The following GLP2R variants were observed in gnomAD, a reference collection of about 807,000 sequenced individuals.
GLP2R encodes the protein glucagon like peptide 2 receptor, also known as glucagon-like peptide 2 receptor.
Under a neutral mutation model 68.2 loss-of-function variants are expected in GLP2R, and 59 were observed. The ratio of observed to expected loss-of-function variants is 0.87; its 90% CI spans 0.70 to 1.07. The LOEUF is 1.07. GLP2R is among the 50% of genes least tolerant of loss of function. The pLI, the probability that GLP2R is intolerant of heterozygous loss-of-function variation, is 0.00. For missense variants in GLP2R, 548 were observed against 677.4 expected, an observed-to-expected ratio of 0.81 and a Z score of 2.12; for synonymous variants, 270 against 265.4, an observed-to-expected ratio of 1.02 and a Z score of -0.17.
At chr17:9,873,221 G>A (rs933009854) in intron 10 of GLP2R, among the ~76,000 whole-genome samples, 7 of 152,218 alleles carry the variant, frequency 4.6e-5, no homozygotes, top group Admixed American at 2.0e-4. Flanking sequence ...GTGGACAGAG[G>A]CTAGTGTTTC....
intron 10 of GLP2R, among the ~76,000 whole-genome samples, chr17:9,878,299 CTT>C (rs564027511): frequency 8.3e-4 from 127 of 152,296 alleles, no homozygotes; most frequent in Middle Eastern, 6.8e-3. Flanking sequence ...AACCTGGACA[CTT>C]TTTCTAGAAA....
At position 9,842,553 on chromosome 17, in the gene GLP2R, G is replaced by C. The variant is rs547444198; in HGVS notation, c.441G>C (p.Glu147Asp). The C allele has an allele frequency of 1.2e-6, 2 of 1,614,114 alleles. No individual in the cohort carries two copies. The highest frequency in any genetic ancestry group is 2.7e-5 in the African/African-American group (2 of 75,054). ...CTCAGGGGACTTGGCAGACGATAGA[G>C]AACGCCACGGATATTTGGCAGGATG... ...CLAQGTWQTI[E>D]NATDIWQDDS... The change falls in exon 4 of 13, where the codon GAG (glutamate) becomes GAC (aspartate). Residue 147 changes from glutamate to aspartate, a missense_variant. By Grantham distance (45) the Glu-to-Asp change is conservative (BLOSUM62 2). Transcript: ENST00000262441.
intron 4 of GLP2R, chr17:9,853,143 C>A: frequency 4.2e-6 from 2 of 480,186 alleles, no homozygotes; most frequent in South Asian, 4.1e-5. Flanking sequence ...AATGTGCAAT[C>A]ATGCTTTGCA....
Position 9,870,634 on chromosome 17 carries a change from C to T in GLP2R, c.1057-113C>T, listed in dbSNP as rs1327308368. The T allele has an allele frequency of 5.7e-6, 4 of 700,298 alleles. No homozygotes were observed. In the East Asian group the frequency reaches 1.0e-4, roughly 18 times the overall value. 43.4% of individuals were successfully genotyped at this position (700,298 alleles called of 1,614,324 possible). A position where few individuals can be genotyped will look rare whatever the true frequency, so the allele number is the denominator to read the frequency against. ...ACCTGGCCAGCTAACTGCTGAATTG[C>T]CCCTGGTTTACATTGAACTGATGGA... On this transcript the variant is annotated intron_variant, in intron 9 of 12. Transcript: ENST00000262441.
intron 1 of GLP2R, among the ~76,000 whole-genome samples, chr17:9,832,514 A>G (rs749529118): frequency 1.2e-4 from 18 of 152,192 alleles, no homozygotes; most frequent in Non-Finnish European, 2.2e-4. Context: ...GTGAGCTGAG[A>G]TAACGCCACT....
At position 9,889,813 on chromosome 17, in the gene GLP2R, A is replaced by T; in HGVS notation, c.*108A>T. 1 of 683,030 alleles carries T rather than the reference A, an allele frequency of 1.5e-6. No homozygotes were observed. Among genetic ancestry groups the T allele is most frequent in the South Asian group, 1.9e-5 (1 of 52,982 alleles). The allele number at this position is 683,030 out of a possible 1,614,324, so 42.3% of individuals were successfully genotyped here. A position where few individuals can be genotyped will look rare whatever the true frequency, so the allele number is the denominator to read the frequency against. ...CTGGGCACGGAATCATTCTCGTTCCATTCACCATGCCACTTTGATATGAAA... is the reference window on the plus strand; with the variant it reads ...CTGGGCACGGAATCATTCTCGTTCCTTTCACCATGCCACTTTGATATGAAA... On this transcript the variant is annotated 3_prime_UTR_variant, in exon 13 of 13. Coordinates refer to ENST00000262441, the MANE Select transcript of GLP2R (RefSeq NM_004246.3).
chr17:9,839,096 A>G (rs1465584386), intron 3 of GLP2R, among the ~76,000 whole-genome samples: 4 of 152,208 alleles, frequency 2.6e-5, no homozygotes, highest in Non-Finnish European at 5.9e-5. Flanking sequence ...GATTATGTGG[A>G]GTCCCAGAAG....
rs200010510 is a variant in GLP2R, at chr17:9,854,506, T to G, written c.516T>G (p.Tyr172Ter). 6.2e-7 allele frequency: 1 copy of G among 1,603,968 alleles called. No individual in the cohort carries two copies. Among genetic ancestry groups the G allele is most frequent in the Non-Finnish European group, 8.5e-7 (1 of 1,170,612 alleles). ...TCCTCTGTGTTCAGGTGGATCGTTATGCCTTGCTGTCAACCTTGCAGCTGA... is the reference window on the plus strand; with the variant it reads ...TCCTCTGTGTTCAGGTGGATCGTTAGGCCTTGCTGTCAACCTTGCAGCTGA... ...NHSFKQNVDR[Y>*]ALLSTLQLMY... The change falls in exon 5 of 13, where the codon TAT becomes TAG. Residue 172 changes from tyrosine (Y) to a stop codon, truncating the protein, a stop_gained. Transcript: ENST00000262441. LOFTEE classifies it high-confidence loss of function.
At chr17:9,852,212 C>G (rs928114095) in intron 4 of GLP2R, among the ~76,000 whole-genome samples, 2 of 152,126 alleles carry the variant, frequency 1.3e-5, no homozygotes, top group Non-Finnish European at 2.9e-5. Flanking sequence ...GTAATGCTCT[C>G]TCTCCCCTTG....
chr17:9,834,316 C>T (rs957111504), intron 2 of GLP2R, among the ~76,000 whole-genome samples: 9 of 152,070 alleles, frequency 5.9e-5, no homozygotes, highest in South Asian at 2.1e-4. Flanking sequence ...TGGATGTGGC[C>T]GTCTTTGATA....
intron 4 of GLP2R, among the ~76,000 whole-genome samples, chr17:9,848,170 C>T (rs560085744): frequency 3.9e-5 from 6 of 152,292 alleles, no homozygotes; most frequent in East Asian, 1.9e-4. Context: ...GGATTAGATC[C>T]GGTTTATCTC....
At chr17:9,849,336 G>A (rs901707559) in intron 4 of GLP2R, among the ~76,000 whole-genome samples, 5 of 151,628 alleles carry the variant, frequency 3.3e-5, no homozygotes, top group Non-Finnish European at 5.9e-5. Flanking sequence ...TAAATTCATC[G>A]GGTACCTCCT....
At chr17:9,838,751 C>T (rs565951936) in intron 3 of GLP2R, among the ~76,000 whole-genome samples, 23 of 151,954 alleles carry the variant, frequency 1.5e-4, no homozygotes, top group African/African-American at 5.3e-4. Context: ...CAAATGGATC[C>T]CTGCAGTGAA....
In GLP2R at chr17:9,856,574, T is replaced by C. The variant is rs547846509; in HGVS notation, c.612-849T>C. Among the ~76,000 whole-genome samples the C allele has an allele frequency of 7.9e-5, 12 of 152,310 alleles. No individual in the cohort carries two copies. In the South Asian group the frequency reaches 1.2e-3, roughly 16 times the overall value. ...CCCCAGGTGCATAAGGAAGAGGTGATGAGAGCTAACATTTTTCTGGACACT... is the reference window on the plus strand; with the variant it reads ...CCCCAGGTGCATAAGGAAGAGGTGACGAGAGCTAACATTTTTCTGGACACT... On this transcript the variant is annotated intron_variant, in intron 5 of 12. Coordinates refer to ENST00000262441, the MANE Select transcript of GLP2R (RefSeq NM_004246.3).
intron 11 of GLP2R, among the ~76,000 whole-genome samples, chr17:9,885,617 G>A (rs1033085542): frequency 5.9e-5 from 9 of 151,822 alleles, no homozygotes; most frequent in Non-Finnish European, 8.8e-5. Flanking sequence ...ACAGCATGGC[G>A]GCTGGACTCT....
chr17:9,876,359 G>T lies in GLP2R; in HGVS notation c.1146-4019G>T, dbSNP rs73257193. Among the ~76,000 whole-genome samples, 11 of 152,178 alleles carry T rather than the reference G, an allele frequency of 7.2e-5. No individual in the cohort carries two copies. In the East Asian group the frequency reaches 1.5e-3, roughly 21 times the overall value. On this transcript the variant is annotated intron_variant, in intron 10 of 12. Transcript: ENST00000262441. ...GTTTATTTCATAAGTCTTATATGAC[G>T]TAGGAGACTTCATAAGGAAAGGAAG...
At chr17:9,860,432 A>G (rs2066977548) in intron 7 of GLP2R, among the ~76,000 whole-genome samples, 1 of 152,192 alleles carries the variant, frequency 6.6e-6, no homozygotes, top group South Asian at 2.1e-4. Flanking sequence ...AATAACAGAC[A>G]TTGATTTCCT....
intron 9 of GLP2R, among the ~76,000 whole-genome samples, chr17:9,862,329 C>A (rs1597392836): frequency 6.6e-6 from 1 of 152,180 alleles, no homozygotes; most frequent in Non-Finnish European, 1.5e-5. Flanking sequence ...AAGAGACCTG[C>A]AGTCAGCTCT....
At position 9,889,402 on chromosome 17, in the gene GLP2R, C is replaced by A; in HGVS notation, c.1359C>A (p.Arg453=). Residue 453 remains arginine, a synonymous_variant, in exon 13 of 13, where the codon CGC becomes CGA. Transcript: ENST00000262441. ...VKAELRKYWV[R]FLLARHSGCR... Reference sequence around the variant, plus strand: ...CTGAGCTGCGGAAATACTGGGTCCGCTTCTTGCTAGCCCGCCACTCAGGCT... The same window carrying A: ...CTGAGCTGCGGAAATACTGGGTCCGATTCTTGCTAGCCCGCCACTCAGGCT... The A allele has an allele frequency of 1.2e-6, 2 of 1,614,024 alleles. No individual in the cohort carries two copies. Among genetic ancestry groups the A allele is most frequent in the Middle Eastern group, 1.6e-4 (1 of 6,062 alleles).
Sources: allele counts gnomAD v4.1 joint callset (sites outside exome capture counted in the v4.1 genomes callset), GRCh38; gene constraint gnomAD v4.1.1; transcripts MANE v1.5; gene names NCBI Gene and HGNC (gene_info 2026-07-23, HGNC 2026-07-21).